Variants in LRMDA observed in about 807,000 individuals in gnomAD.
LRMDA encodes leucine-rich melanocyte differentiation-associated protein.
LRMDA carries 18 observed loss-of-function variants against 29.8 expected under a neutral mutation model. The observed-to-expected ratio is 0.60, with a 90% CI of 0.42 to 0.90. The LOEUF (loss-of-function observed/expected upper bound fraction) is 0.90, where lower values mean the gene tolerates loss of function less well. Ranked by LOEUF, LRMDA falls within the 40% of genes least tolerant of loss-of-function variation. The pLI, the probability that LRMDA is intolerant of heterozygous loss-of-function variation, is 0.00. For synonymous variants in LRMDA, 125 were observed against 109.4 expected, an observed-to-expected ratio of 1.14 and a Z score of -0.89; for missense variants, 273 against 273.9, an observed-to-expected ratio of 1.00 and a Z score of 0.02.
In LRMDA at chr10:76,201,752, G is replaced by A. The variant is rs144302121; in HGVS notation, c.517-122649G>A. Among the ~76,000 whole-genome samples, 1,053 of 152,290 alleles carry A rather than the reference G, an allele frequency of 6.9e-3. 14 individuals are homozygous for A. Among genetic ancestry groups the A allele is most frequent in the African/African-American group, 0.024 (987 of 41,554 alleles). On this transcript the variant is annotated intron_variant, in intron 5 of 6. Transcript: ENST00000611255. The stretch of plus-strand genomic sequence containing the variant: ...CAATAACCTATGTAAAACTGGTGCC[G>A]ATGTTTCTGCTGAGAGCTTCAGAAC...
At chr10:76,204,992 T>A (rs1851507353) in intron 5 of LRMDA, among the ~76,000 whole-genome samples, 1 of 152,138 alleles carries the variant, frequency 6.6e-6, no homozygotes, top group South Asian at 2.1e-4. Flanking sequence ...GTGATATATT[T>A]GACAAATGAG....
chr10:75,590,823 A>G (rs1433165942), intron 2 of LRMDA, among the ~76,000 whole-genome samples: 2 of 126,402 alleles, frequency 1.6e-5, no homozygotes, highest in African/African-American at 6.2e-5. Flanking sequence ...ATCTCATCTC[A>G]CTGCAATTCT....
intron 2 of LRMDA, among the ~76,000 whole-genome samples, chr10:75,693,904 A>G (rs1842201275): frequency 1.3e-5 from 2 of 152,198 alleles, no homozygotes; most frequent in South Asian, 4.1e-4. Context: ...AAAATACAGA[A>G]AGATGCTTTT....
chr10:76,064,796 C>T (rs1381756669), intron 5 of LRMDA, among the ~76,000 whole-genome samples: 1 of 152,196 alleles, frequency 6.6e-6, no homozygotes, highest in Non-Finnish European at 1.5e-5. Context: ...CAAGTACATT[C>T]AGTTCAACAG....
At chr10:76,189,279 C>T (rs569391104) in intron 5 of LRMDA, among the ~76,000 whole-genome samples, 73 of 152,222 alleles carry the variant, frequency 4.8e-4, no homozygotes, top group East Asian at 2.3e-3. Context: ...ATCGCTTTGA[C>T]GCTGGAGTCG....
intron 4 of LRMDA, among the ~76,000 whole-genome samples, chr10:76,055,095 GAAAAA>G (rs1848591531): frequency 3.3e-5 from 3 of 90,838 alleles, no homozygotes; most frequent in African/African-American, 1.3e-4. Flanking sequence ...AAAAAAAAAA[GAAAAA>G]GAAAAGAAAG....
chr10:76,262,472 C>A (rs1288488396), intron 5 of LRMDA, among the ~76,000 whole-genome samples: 1 of 152,198 alleles, frequency 6.6e-6, no homozygotes, highest in Non-Finnish European at 1.5e-5. Flanking sequence ...CTGGCTCCGG[C>A]ACCGTGTGAA....
At chr10:76,454,535 A>T (rs997216233) in intron 6 of LRMDA, among the ~76,000 whole-genome samples, 10 of 152,180 alleles carry the variant, frequency 6.6e-5, no homozygotes, top group African/African-American at 2.2e-4. Context: ...TCCTTTAAAC[A>T]TAAAGAAAAA....
At chr10:75,995,789 T>G (rs531929531) in intron 2 of LRMDA, among the ~76,000 whole-genome samples, 4 of 152,310 alleles carry the variant, frequency 2.6e-5, no homozygotes, top group South Asian at 4.1e-4. Flanking sequence ...TATTGTGATG[T>G]GTGGGTCACT....
chr10:76,345,018 T>G (rs2132424142), intron 6 of LRMDA, among the ~76,000 whole-genome samples: 1 of 150,598 alleles, frequency 6.6e-6, no homozygotes, highest in South Asian at 2.1e-4. Context: ...GAAATACTCT[T>G]GATTTTATTT....
At chr10:75,757,523 TCCCCCCGTGTTTA>T (rs1231055059) in intron 2 of LRMDA, among the ~76,000 whole-genome samples, 2 of 152,006 alleles carry the variant, frequency 1.3e-5, no homozygotes, top group Non-Finnish European at 2.9e-5. Flanking sequence ...CTGGCATTGG[TCCCCCCGTGTTTA>T]CATCCCAGCC....
intron 2 of LRMDA, among the ~76,000 whole-genome samples, chr10:75,599,207 G>A (rs1377331160): frequency 6.6e-6 from 1 of 152,178 alleles, no homozygotes; most frequent in Non-Finnish European, 1.5e-5. Flanking sequence ...TACAGAGTTT[G>A]TCTTGTAAAA....
chr10:75,696,709 G>A (rs956251734), intron 2 of LRMDA, among the ~76,000 whole-genome samples: 4 of 152,212 alleles, frequency 2.6e-5, no homozygotes, highest in African/African-American at 4.8e-5. Flanking sequence ...AACTTCTCAA[G>A]TTCATAGCAT....
At chr10:76,010,595 A>G (rs1362506944) in intron 2 of LRMDA, among the ~76,000 whole-genome samples, 1 of 152,208 alleles carries the variant, frequency 6.6e-6, no homozygotes, top group Non-Finnish European at 1.5e-5. Context: ...TACAGGCGTG[A>G]GCCACTGTGC....
chr10:76,439,433 A>C (rs1842278168), intron 6 of LRMDA, among the ~76,000 whole-genome samples: 1 of 152,204 alleles, frequency 6.6e-6, no homozygotes, highest in South Asian at 2.1e-4. Context: ...TGGTTCATGC[A>C]CAATCTGTTC....
At chr10:76,047,101 C>A (rs1848451536) in intron 3 of LRMDA, 63 bp from the exon 4 acceptor site, 1 of 1,586,746 alleles carries the variant, frequency 6.3e-7, no homozygotes, top group Non-Finnish European at 8.6e-7. Flanking sequence ...GCCTGTCAGT[C>A]ATGGCCTATG....
At chr10:76,277,158 TGAAATA>T (rs1191189996) in intron 5 of LRMDA, among the ~76,000 whole-genome samples, 1 of 152,158 alleles carries the variant, frequency 6.6e-6, no homozygotes, top group Non-Finnish European at 1.5e-5. Context: ...CCCAGAAATT[TGAAATA>T]GAAATAGAAA....
intron 6 of LRMDA, among the ~76,000 whole-genome samples, chr10:76,397,974 G>A (rs1321572527): frequency 6.6e-6 from 1 of 152,250 alleles, no homozygotes; most frequent in African/African-American, 2.4e-5. Flanking sequence ...TTACAATCAG[G>A]CTTTCTCTAA....
chr10:75,975,314 T>G (rs1040615886), intron 2 of LRMDA, among the ~76,000 whole-genome samples: 1 of 152,226 alleles, frequency 6.6e-6, no homozygotes, highest in Non-Finnish European at 1.5e-5. Context: ...TCCTGATTTT[T>G]TTCTGAAGGA....
Sources: allele counts gnomAD v4.1 joint callset (sites outside exome capture counted in the v4.1 genomes callset), GRCh38; gene constraint gnomAD v4.1.1; transcripts MANE v1.5; gene names NCBI Gene and HGNC (gene_info 2026-07-23, HGNC 2026-07-21).